The following NCALD variants were observed in gnomAD, a reference collection of about 807,000 sequenced individuals.
The protein encoded by NCALD is neurocalcin-delta.
Under a neutral mutation model 18.6 loss-of-function variants are expected in NCALD, and 10 were observed. The observed-to-expected ratio is 0.54, with a 90% CI of 0.33 to 0.91. NCALD has a LOEUF of 0.91. NCALD is among the 40% of genes least tolerant of loss of function. The pLI, the probability that NCALD is intolerant of heterozygous loss-of-function variation, is 0.03. For synonymous variants in NCALD, 88 were observed against 87.4 expected (o/e 1.01, Z -0.04); for missense variants, 184 against 247.6 (o/e 0.74, Z 1.72).
At chr8:101,788,577 T>C (rs1203542818) in intron 1 of NCALD, 1 of 152,214 alleles carries the variant, frequency 6.6e-6, no homozygotes, top group East Asian at 1.9e-4. Flanking sequence ...TTTGTAAAAT[T>C]TAGTTAACGT....
chr8:101,768,663 C>T (rs968921997), intron 1 of NCALD, among the ~76,000 whole-genome samples: 5 of 148,442 alleles, frequency 3.4e-5, no homozygotes, highest in East Asian at 4.0e-4. Flanking sequence ...GAACTGAGAT[C>T]GTGCAACTGC....
At chr8:101,924,533 A>G (rs1034676006) in intron 2 of NCALD, among the ~76,000 whole-genome samples, 1 of 152,212 alleles carries the variant, frequency 6.6e-6, no homozygotes. Context: ...AAAATCTACC[A>G]TGTTCCAAAT....
chr8:101,784,274 C>T (rs1293224702), intron 1 of NCALD, among the ~76,000 whole-genome samples: 1 of 152,070 alleles, frequency 6.6e-6, no homozygotes. Flanking sequence ...CTCTTGGCCT[C>T]TCTATGTGGT....
In NCALD at chr8:101,895,251, A is replaced by G. The variant is rs1194611390; in HGVS notation, c.-106-8024T>C. On this transcript the variant is annotated intron_variant, in intron 3 of 6. Coordinates refer to the NCALD transcript ENST00000311028. ...TGTAATCCAGCATATAAACAGAGCC[A>G]AAGACAAAAACCACATGATTATGTC... Among the ~76,000 whole-genome samples the G allele has an allele frequency of 1.4e-5, 2 of 139,258 alleles. 1 individual carries two copies. The highest frequency in any genetic ancestry group is 4.4e-4 in the South Asian group (2 of 4,538). The allele number at this position is 139,258 out of a possible 152,430, so 91.4% of individuals were successfully genotyped here.
intron 1 of NCALD, chr8:102,020,551 C>G (rs1248922942): frequency 6.6e-6 from 1 of 152,102 alleles, no homozygotes; most frequent in Non-Finnish European, 1.5e-5. Context: ...TCCAGGATTC[C>G]CTTGTATCAT....
At chr8:101,764,002 ACACACACACACACC>A (rs1252393260) in intron 1 of NCALD, among the ~76,000 whole-genome samples, 1,640 of 113,628 alleles carry the variant, frequency 0.014, 33 homozygotes, top group African/African-American at 0.031. Flanking sequence ...ACACACACAC[ACACACACACACACC>A]CCCTATTGGT....
intron 1 of NCALD, among the ~76,000 whole-genome samples, chr8:102,057,856 A>C (rs1823708369): frequency 6.6e-6 from 1 of 152,254 alleles, no homozygotes; most frequent in South Asian, 2.1e-4. Flanking sequence ...GGCATGAAGC[A>C]CTTGAATACT....
intron 4 of NCALD, chr8:101,871,782 C>A: frequency 3.4e-6 from 1 of 290,744 alleles, no homozygotes; most frequent in Non-Finnish European, 6.4e-6. Flanking sequence ...TAAAGAAATC[C>A]AGACAATTTG....
chr8:101,788,778 C>T (rs1392621586), intron 1 of NCALD: 1 of 152,188 alleles, frequency 6.6e-6, no homozygotes, highest in Non-Finnish European at 1.5e-5. Flanking sequence ...TTCTAGAGTA[C>T]CTCGTTCCTT....
At chr8:101,747,861 G>A (rs1390624849) in intron 1 of NCALD, among the ~76,000 whole-genome samples, 2 of 151,928 alleles carry the variant, frequency 1.3e-5, no homozygotes, top group Admixed American at 6.6e-5. Flanking sequence ...GGGATTACAG[G>A]TGCCCGCCAC....
intron 1 of NCALD, among the ~76,000 whole-genome samples, chr8:101,747,501 C>T (rs79984228): frequency 0.077 from 11,681 of 152,074 alleles, 991 homozygotes; most frequent in African/African-American, 0.21. Flanking sequence ...TATCATTGAG[C>T]CACCAGTTGG....
In NCALD at chr8:102,004,500, G is replaced by T. The variant is rs200865483; in HGVS notation, c.-157+15737C>A. On this transcript the variant is annotated intron_variant, in intron 2 of 6. Coordinates refer to the NCALD transcript ENST00000311028. ...GTGCCATCCCCATCAAGCTACCAAT[G>T]ACTTTCTTCACAGAATTGGAAAAAA... Among the ~76,000 whole-genome samples the T allele has an allele frequency of 7.4e-4, 112 of 152,246 alleles. No individual in the cohort carries two copies. In the East Asian group the frequency reaches 0.021, roughly 28 times the overall value.
At chr8:101,809,813 G>A (rs1813240525) in intron 4 of NCALD, among the ~76,000 whole-genome samples, 1 of 152,162 alleles carries the variant, frequency 6.6e-6, no homozygotes, top group African/African-American at 2.4e-5. Context: ...CCAAAGTGCT[G>A]GGATTACAGG....
At chr8:101,750,413 C>T (rs1810605857) in intron 1 of NCALD, among the ~76,000 whole-genome samples, 3 of 152,182 alleles carry the variant, frequency 2.0e-5, no homozygotes, top group Admixed American at 2.0e-4. Context: ...GGTTGTCCAA[C>T]TGGTGATAAA....
intron 1 of NCALD, among the ~76,000 whole-genome samples, chr8:101,757,006 TTTTC>T (rs1184953759): frequency 3.9e-5 from 6 of 152,192 alleles, no homozygotes; most frequent in Non-Finnish European, 7.3e-5. Flanking sequence ...TGTCTCTGTC[TTTTC>T]TTTAAGATTT....
intron 3 of NCALD, chr8:101,691,944 GAGCTCTTTA>G (rs1319883815): frequency 1.0e-6 from 1 of 985,310 alleles, no homozygotes; most frequent in Non-Finnish European, 1.2e-6. Context: ...GCCCTGAGCT[GAGCTCTTTA>G]AACTCAAGTA....
rs146381378 is a variant in NCALD at position 101,821,503 on chromosome 8, A to T, written c.-20+65638T>A. Reference sequence around the variant, plus strand: ...TTGAACCAAGTTGTCTCTGAAGATTATAGGTCCTGTGTGGTCCATGAAGGA... The same window carrying T: ...TTGAACCAAGTTGTCTCTGAAGATTTTAGGTCCTGTGTGGTCCATGAAGGA... On this transcript the variant is annotated intron_variant, in intron 4 of 6. Transcript: ENST00000311028. Among the ~76,000 whole-genome samples, 1,085 of 152,286 alleles carry T rather than the reference A, an allele frequency of 7.1e-3. 8 individuals are homozygous for T. The highest frequency in any genetic ancestry group is 0.027 in the Middle Eastern group (8 of 294).
intron 4 of NCALD, among the ~76,000 whole-genome samples, chr8:101,879,106 T>G (rs1433559982): frequency 1.3e-5 from 2 of 152,200 alleles, no homozygotes; most frequent in Non-Finnish European, 2.9e-5. Context: ...TCTCATTGAA[T>G]GGGGTATAGA....
intron 1 of NCALD, among the ~76,000 whole-genome samples, chr8:102,050,823 TTTAA>T (rs992535738): frequency 3.4e-5 from 5 of 146,626 alleles, no homozygotes; most frequent in East Asian, 2.0e-4. Flanking sequence ...TCATTTTTAA[TTTAA>T]TTAATTTAAT....
Sources: gnomAD v4.1 joint callset for allele counts (sites outside exome capture counted in the v4.1 genomes callset) on GRCh38, gnomAD v4.1.1 for gene constraint, MANE v1.5 for transcripts, NCBI Gene and HGNC (gene_info 2026-07-23, HGNC 2026-07-21) for gene names.